The following NOP9 variants were observed in gnomAD, a reference collection of about 807,000 sequenced individuals.
NOP9 encodes the protein NOP9 nucleolar protein, also known as nucleolar protein 9.
In NOP9, 50 loss-of-function variants were observed where a neutral mutation model predicts 63.0. That is an observed-to-expected ratio of 0.79 (90% confidence interval 0.63 to 1.00). The LOEUF (loss-of-function observed/expected upper bound fraction) is 1.00, where lower values mean the gene tolerates loss of function less well. NOP9 is among the 50% of genes least tolerant of loss of function. NOP9 has a pLI of 0.00. For synonymous variants in NOP9, 343 were observed against 332.8 expected (o/e 1.03, Z -0.33); for missense variants, 758 against 803.0 (o/e 0.94, Z 0.68).
At chr14:24,273,838 T>TA in the NOP9 span, among the ~76,000 whole-genome samples, 1 of 152,238 alleles carries the variant, frequency 6.6e-6, no homozygotes, top group Non-Finnish European at 1.5e-5. Flanking sequence ...TGGGGCAAGT[T>TA]ACTTAACTTC....
upstream of NOP9, chr14:24,299,328 G>T (rs12892419): frequency 0.41 from 218,589 of 537,212 alleles, 51,411 homozygotes; most frequent in Middle Eastern, 0.51. Context: ...GAGGCCCAGA[G>T]AGTGAAGAAG....
chr14:24,302,045 G>C lies in NOP9; in HGVS notation c.889G>C (p.Ala297Pro). 6.2e-7 allele frequency: 1 copy of C among 1,613,964 alleles called. No individual in the cohort carries two copies. Among genetic ancestry groups the C allele is most frequent in the Admixed American group, 1.7e-5 (1 of 60,004 alleles). Residue 297 changes from alanine to proline, a missense_variant, in exon 4 of 10, where the codon GCT becomes CCT. Ala to Pro is a conservative substitution (Grantham distance 27, BLOSUM62 -1). Coordinates refer to ENST00000267425, the MANE Select transcript of NOP9 (RefSeq NM_174913.3). ...VLHRKLPQFC[A>P]HLCNAVIGYL... ...ACACCGCAAACTTCCCCAGTTTTGC[G>C]CTCATCTCTGCAATGCTGTGATTGG...
upstream of NOP9, chr14:24,296,799 A>G: frequency 1.2e-6 from 2 of 1,614,236 alleles, no homozygotes; most frequent in Non-Finnish European, 1.7e-6. Context: ...TTCCCGATCC[A>G]CTTGCTCAAA....
At chr14:24,296,812 G>A, upstream of NOP9, 1 of 1,614,234 alleles carries the variant, frequency 6.2e-7, no homozygotes, top group Non-Finnish European at 8.5e-7. Context: ...TGCTCAAACA[G>A]GCTTCGCACT....
At chr14:24,296,937 A>C (rs1416338256), upstream of NOP9, 45 of 1,608,806 alleles carry the variant, frequency 2.8e-5, no homozygotes, top group Non-Finnish European at 3.8e-5. Context: ...GAGTCATGAC[A>C]AAACTCCCCA....
chr14:24,297,030 T>A, upstream of NOP9: 5 of 1,052,340 alleles, frequency 4.8e-6, no homozygotes, highest in Non-Finnish European at 6.9e-6. Context: ...AACGCTGCCC[T>A]CTGGTGTCTG....
At chr14:24,302,177 A>G in intron 4 of NOP9, 55 bp from the exon 5 acceptor site, 1 of 1,600,366 alleles carries the variant, frequency 6.2e-7, no homozygotes, top group Non-Finnish European at 8.5e-7. Context: ...ATGTAGTGCA[A>G]CTGTATTTTG....
rs1027962010 is a variant in NOP9, at chr14:24,299,898, C to T, written c.-57C>T. The T allele has an allele frequency of 4.7e-6, 7 of 1,499,414 alleles. No homozygotes were observed. The highest frequency in any genetic ancestry group is 4.6e-5 in the Admixed American group (2 of 43,148). 92.9% of individuals were successfully genotyped at this position (1,499,414 alleles called of 1,614,324 possible). On this transcript the variant is annotated 5_prime_UTR_variant, in exon 1 of 10. Coordinates refer to ENST00000267425, the MANE Select transcript of NOP9 (RefSeq NM_174913.3). Reference sequence around the variant, plus strand: ...GGATAAGGCGCACGCTTGGCGACGTCGAAGGTCCGTCCGCAGTTAAGGAAG... The same window carrying T: ...GGATAAGGCGCACGCTTGGCGACGTTGAAGGTCCGTCCGCAGTTAAGGAAG...
upstream of NOP9, chr14:24,299,016 C>T (rs1217975920): frequency 6.2e-7 from 1 of 1,614,012 alleles, no homozygotes; most frequent in Non-Finnish European, 8.5e-7. Context: ...ACTGTGGCGC[C>T]TGCTTTGCAG....
chr14:24,278,924 T>C, the NOP9 span, among the ~76,000 whole-genome samples: 25 of 152,278 alleles, frequency 1.6e-4, no homozygotes, highest in East Asian at 3.7e-3. Flanking sequence ...GATACTGAAC[T>C]GGGAGAGAAG....
rs1462077790 is a variant in NOP9, at chr14:24,300,838, C to G, written c.678C>G (p.Pro226=). Residue 226 remains proline, a synonymous_variant, in exon 2 of 10, where the codon CCC becomes CCG. Transcript: ENST00000267425. ...GTILESERAR[P]RGSQSSEAQK... ...TTCTGGAGTCTGAGAGAGCCAGGCC[C>G]CGTGGTTCCCAATCATCTGGTAAGT... The G allele has an allele frequency of 2.5e-6, 4 of 1,612,906 alleles. No homozygotes were observed. In the Admixed American group the frequency reaches 6.7e-5, roughly 27 times the overall value.
upstream of NOP9, among the ~76,000 whole-genome samples, chr14:24,295,558 C>G (rs947218081): frequency 6.6e-6 from 1 of 152,130 alleles, no homozygotes; most frequent in Non-Finnish European, 1.5e-5. Context: ...GGCCCAAGGT[C>G]GAGGGTCTGG....
chr14:24,300,426 T>C lies in NOP9; in HGVS notation c.266T>C (p.Ile89Thr). Residue 89 changes from isoleucine (I) to threonine (T), a missense_variant, in exon 2 of 10, where the codon ATA becomes ACA. Transcript: ENST00000267425. ...TTTTCAGATCTGATGGTGCACAATATAATGAAGGAAGTAGAGACTCAGGCC... is the reference window on the plus strand; with the variant it reads ...TTTTCAGATCTGATGGTGCACAATACAATGAAGGAAGTAGAGACTCAGGCC... ...GEERDLMVHN[I>T]MKEVETQALA... is the part of the protein sequence containing the mutation. The C allele has an allele frequency of 6.2e-7, 1 of 1,613,168 alleles. No individual in the cohort carries two copies. Among genetic ancestry groups the C allele is most frequent in the Non-Finnish European group, 8.5e-7 (1 of 1,179,582 alleles).
the NOP9 span, among the ~76,000 whole-genome samples, chr14:24,273,058 G>A: frequency 6.6e-6 from 1 of 152,230 alleles, no homozygotes; most frequent in Non-Finnish European, 1.5e-5. Flanking sequence ...GAGGTTCAGG[G>A]TGGCTAGTGA....
At position 24,307,647 on chromosome 14, in the gene NOP9, G is replaced by T; in HGVS notation, c.*2552G>T. 1.5e-5 allele frequency: 12 copies of T among 802,224 alleles called. No homozygotes were observed. The South Asian group carries it at 1.9e-4, about 12-fold the overall frequency. 49.7% of individuals were successfully genotyped at this position (802,224 alleles called of 1,614,324 possible). The stretch of plus-strand genomic sequence containing the variant: ...GTTTATCGATTAGGGATGAGGGAGA[G>T]ACCATGGAGTGCAGGTGGGGGCGGG... On this transcript the variant is annotated 3_prime_UTR_variant, in exon 10 of 10. Coordinates refer to ENST00000267425, the MANE Select transcript of NOP9 (RefSeq NM_174913.3).
In NOP9 at chr14:24,303,118, A is replaced by G. The variant is rs1371583051; in HGVS notation, c.1188A>G (p.Val396=). 6.2e-7 allele frequency: 1 copy of G among 1,604,670 alleles called. No individual in the cohort carries two copies. Among genetic ancestry groups the G allele is most frequent in the Non-Finnish European group, 8.5e-7 (1 of 1,176,292 alleles). ...AGCTGAGCCCTGTCTTGGAAGCTGT[A>G]TTGGCCCAGGGCCACCCAGGGGTAG... The part of the protein sequence containing the change: ...FEELSPVLEA[V]LAQGHPGVVI... Residue 396 remains valine (V), a synonymous_variant, in exon 6 of 10, where the codon GTA becomes GTG. Transcript: ENST00000267425.
At chr14:24,300,947 G>T (rs2041366070) in intron 2 of NOP9, 90 bp downstream of exon 2, 4 of 1,062,444 alleles carry the variant, frequency 3.8e-6, no homozygotes, top group Non-Finnish European at 4.1e-6. Flanking sequence ...AAGTCTTCAT[G>T]GGGGAGCTTG....
chr14:24,306,778 C>G lies in NOP9; in HGVS notation c.*1683C>G, dbSNP rs1335763198. 7.7e-6 allele frequency: 4 copies of G among 516,364 alleles called. No homozygotes were observed. The highest frequency in any genetic ancestry group is 3.8e-5 in the African/African-American group (2 of 52,364). The allele number at this position is 516,364 out of a possible 1,614,324, so 32.0% of individuals were successfully genotyped here. A position where few individuals can be genotyped will look rare whatever the true frequency, so the allele number is the denominator to read the frequency against. ...CCCCTTGCTCCCCTCCAAGTCACTTCTGGTTTGGAATTGGAAAGCAAGCCA... is the reference window on the plus strand; with the variant it reads ...CCCCTTGCTCCCCTCCAAGTCACTTGTGGTTTGGAATTGGAAAGCAAGCCA... On this transcript the variant is annotated 3_prime_UTR_variant, in exon 10 of 10. Coordinates refer to ENST00000267425, the MANE Select transcript of NOP9 (RefSeq NM_174913.3).
At chr14:24,291,528 C>T in the NOP9 span, 1 of 1,613,426 alleles carries the variant, frequency 6.2e-7, no homozygotes, top group Non-Finnish European at 8.5e-7. Flanking sequence ...CATGCCCTTT[C>T]TTATTACCAG....
Sources: gnomAD v4.1 joint callset for allele counts (sites outside exome capture counted in the v4.1 genomes callset) on GRCh38, gnomAD v4.1.1 for gene constraint, MANE v1.5 for transcripts, NCBI Gene and HGNC (gene_info 2026-07-23, HGNC 2026-07-21) for gene names.